Variants in GPHN observed in about 807,000 individuals in gnomAD.
GPHN encodes the protein gephyrin.
In GPHN, 17 loss-of-function variants were observed where a neutral mutation model predicts 95.5. The observed-to-expected ratio is 0.18, with a 90% CI of 0.12 to 0.27. The LOEUF is 0.27. GPHN is among the 10% of genes least tolerant of loss of function. The pLI is 1.00. For synonymous variants in GPHN, 320 were observed against 322.5 expected, an observed-to-expected ratio of 0.99 and a Z score of 0.08; for missense variants, 660 against 978.1, an observed-to-expected ratio of 0.67 and a Z score of 4.34.
the GPHN span, among the ~76,000 whole-genome samples, chr14:67,531,367 C>T: frequency 6.6e-6 from 1 of 152,128 alleles, no homozygotes; most frequent in Non-Finnish European, 1.5e-5. Flanking sequence ...AAACTCAAGC[C>T]TCCTAAATTC....
the GPHN span, chr14:67,722,554 G>C: frequency 9.1e-7 from 1 of 1,092,914 alleles, no homozygotes; most frequent in Non-Finnish European, 1.4e-6. Context: ...AAGCAGCCAA[G>C]AGCTGGAGCC....
chr14:66,635,096 G>A (rs1056451126), intron 1 of GPHN, among the ~76,000 whole-genome samples: 2 of 152,126 alleles, frequency 1.3e-5, no homozygotes, highest in Non-Finnish European at 2.9e-5. Context: ...TGGAGCTGTT[G>A]ACAATGTTCA....
At chr14:67,696,306 G>C in the GPHN span, among the ~76,000 whole-genome samples, 1 of 152,170 alleles carries the variant, frequency 6.6e-6, no homozygotes, top group Non-Finnish European at 1.5e-5. Context: ...TTACCGCACT[G>C]TTTCTCCTGG....
chr14:66,723,316 TTTATAAAAGGTTATAACCTTTTGG>T (rs1038566653), intron 2 of GPHN, among the ~76,000 whole-genome samples: 71 of 151,622 alleles, frequency 4.7e-4, no homozygotes, highest in African/African-American at 1.7e-4. Flanking sequence ...ATAAATTATA[TTTATAAAAGGTTATAACCTTTTGG>T]TTATAAAAGG....
chr14:67,533,081 C>T, the GPHN span, among the ~76,000 whole-genome samples: 1 of 152,166 alleles, frequency 6.6e-6, no homozygotes, highest in Non-Finnish European at 1.5e-5. Context: ...TCCTGTGCCT[C>T]TCCGCGAGCT....
chr14:67,142,756 G>T (rs1231464144), intron 17 of GPHN, among the ~76,000 whole-genome samples: 1 of 152,086 alleles, frequency 6.6e-6, no homozygotes, highest in East Asian at 1.9e-4. Flanking sequence ...AACTGTCCCA[G>T]TCATTCCCAC....
At chr14:67,691,290 AT>A in the GPHN span, 1 of 1,363,606 alleles carries the variant, frequency 7.3e-7, no homozygotes. Context: ...AGCCAAGGCT[AT>A]TACATCTTAG....
At chr14:66,616,267 A>G (rs912091098) in intron 1 of GPHN, among the ~76,000 whole-genome samples, 1 of 84,900 alleles carries the variant, frequency 1.2e-5, no homozygotes, top group Non-Finnish European at 1.8e-5. Flanking sequence ...TGGGAATAAC[A>G]TTGAATCTAT....
chr14:67,340,754 A>G, the GPHN span, among the ~76,000 whole-genome samples: 28,542 of 151,580 alleles, frequency 0.19, 4,279 homozygotes, highest in East Asian at 0.48. Flanking sequence ...CTGCCATCTC[A>G]GCTCACTGCA....
chr14:66,908,020 T>TTA lies in GPHN; in HGVS notation c.390-7969_390-7968dup, dbSNP rs113485236. ...ATGGTTACATACAGAAATATTTGTTTTATATATATATATATGCACACACAG... is the reference window on the plus strand; with the variant it reads ...ATGGTTACATACAGAAATATTTGTTTTATATATATATATATATGCACACACAG... On this transcript the variant is annotated intron_variant, in intron 5 of 22. Coordinates refer to ENST00000478722, the MANE Select transcript of GPHN (RefSeq NM_020806.5). 1.6e-3 allele frequency among the ~76,000 whole-genome samples: 245 copies of TTA among 150,602 alleles called. 2 individuals carry two copies. The highest frequency in any genetic ancestry group is 6.9e-3 in the Middle Eastern group (2 of 288).
the GPHN span, among the ~76,000 whole-genome samples, chr14:67,728,761 T>C: frequency 6.6e-6 from 1 of 151,068 alleles, no homozygotes; most frequent in African/African-American, 2.4e-5. Context: ...CTATACCTCA[T>C]GAAATGTGCT....
intron 4 of GPHN, among the ~76,000 whole-genome samples, chr14:66,867,312 ATTGT>A (rs1327177463): frequency 6.6e-6 from 1 of 152,128 alleles, no homozygotes; most frequent in East Asian, 1.9e-4. Context: ...TGTGGTTATG[ATTGT>A]TTGAAAGTTG....
chr14:67,286,310 C>G, the GPHN span, among the ~76,000 whole-genome samples: 8 of 152,208 alleles, frequency 5.3e-5, no homozygotes, highest in East Asian at 5.8e-4. Flanking sequence ...CTTCTTGTGT[C>G]TGTTGTCTGT....
At chr14:67,462,092 G>A in the GPHN span, among the ~76,000 whole-genome samples, 1 of 152,236 alleles carries the variant, frequency 6.6e-6, no homozygotes, top group Admixed American at 6.5e-5. Flanking sequence ...ATCAGGCATA[G>A]ACTGTAACAG....
chr14:67,732,911 G>C, the GPHN span, among the ~76,000 whole-genome samples: 18,589 of 152,042 alleles, frequency 0.12, 1,579 homozygotes, highest in South Asian at 0.34. Flanking sequence ...TATCAGCACT[G>C]CATGTTCCGA....
the GPHN span, among the ~76,000 whole-genome samples, chr14:67,439,591 T>C: frequency 7.0e-6 from 1 of 142,638 alleles, no homozygotes; most frequent in African/African-American, 2.9e-5. Context: ...CTTTCTTTCT[T>C]TCTTCTTTCT....
chr14:67,502,736 G>A, the GPHN span, among the ~76,000 whole-genome samples: 1 of 152,000 alleles, frequency 6.6e-6, no homozygotes, highest in Non-Finnish European at 1.5e-5. Context: ...ATAGGCGTGA[G>A]CCACCGCGCC....
chr14:67,724,222 ACT>A, the GPHN span, among the ~76,000 whole-genome samples: 2 of 152,160 alleles, frequency 1.3e-5, no homozygotes, highest in South Asian at 2.1e-4. Context: ...TCCAGCATTT[ACT>A]CTGTTTGCTA....
At chr14:67,542,103 T>C in the GPHN span, 4 of 1,028,966 alleles carry the variant, frequency 3.9e-6, no homozygotes, top group Non-Finnish European at 5.4e-6. Flanking sequence ...TAAGATGCTT[T>C]TCCCCATATG....
Sources: gnomAD v4.1 joint callset for allele counts (sites outside exome capture counted in the v4.1 genomes callset) on GRCh38, gnomAD v4.1.1 for gene constraint, MANE v1.5 for transcripts, NCBI Gene and HGNC (gene_info 2026-07-23, HGNC 2026-07-21) for gene names.